The following SOX5 variants were observed in gnomAD, a reference collection of about 807,000 sequenced individuals.
The protein encoded by SOX5 is transcription factor SOX-5.
In SOX5, 9 loss-of-function variants were observed where a neutral mutation model predicts 92.0. The ratio of observed to expected loss-of-function variants is 0.10; its 90% CI spans 0.06 to 0.17. The LOEUF is 0.17. SOX5 is among the 10% of genes least tolerant of loss of function. The pLI, the probability that SOX5 is intolerant of heterozygous loss-of-function variation, is 1.00. For missense variants in SOX5, 642 were observed against 944.5 expected (o/e 0.68, Z 4.20); for synonymous variants, 344 against 336.3 (o/e 1.02, Z -0.25).
chr12:24,342,787 T>C (rs1952732651), intron 2 of SOX5, among the ~76,000 whole-genome samples: 1 of 152,248 alleles, frequency 6.6e-6, no homozygotes, highest in Non-Finnish European at 1.5e-5. Context: ...AATCTGATTA[T>C]ACCATTCATG....
At chr12:23,540,095 TAA>T (rs5797022) in intron 13 of SOX5, among the ~76,000 whole-genome samples, 45 of 139,530 alleles carry the variant, frequency 3.2e-4, no homozygotes, top group African/African-American at 6.7e-4. Flanking sequence ...TAAACAACAA[TAA>T]AAAAAAAAAA....
chr12:24,357,718 C>T (rs1473974932), intron 2 of SOX5, among the ~76,000 whole-genome samples: 1 of 151,952 alleles, frequency 6.6e-6, no homozygotes, highest in Non-Finnish European at 1.5e-5. Flanking sequence ...TGGCGTGGGC[C>T]TGTAATCCCA....
chr12:24,544,676 C>A (rs1188944034), intron 1 of SOX5, among the ~76,000 whole-genome samples: 1 of 152,154 alleles, frequency 6.6e-6, no homozygotes, highest in South Asian at 2.1e-4. Flanking sequence ...TTTAAAGCAT[C>A]CCAATTCTAT....
At position 23,846,081 on chromosome 12, in the gene SOX5, G is replaced by A; in HGVS notation, c.383C>T (p.Ala128Val). 1.2e-6 allele frequency: 2 copies of A among 1,614,072 alleles called. No homozygotes were observed. Among genetic ancestry groups the A allele is most frequent in the African/African-American group, 1.3e-5 (1 of 75,028 alleles). Residue 128 changes from alanine to valine, a missense_variant, in exon 3 of 15, where the codon GCC becomes GTC. Ala to Val is a moderately conservative substitution (Grantham distance 64, BLOSUM62 0). This residue lies in a region of SOX5 where 29 missense variants were observed against 47.4 expected (regional missense o/e 0.61). Coordinates refer to ENST00000451604, the MANE Select transcript of SOX5 (RefSeq NM_006940.6). Reference protein sequence around the residue: ...RQSGESLSSTALGTPERRKGS... With the variant: ...RQSGESLSSTVLGTPERRKGS... The stretch of plus-strand genomic sequence containing the variant: ...CTTGCGCCGTTCAGGAGTTCCCAGG[G>A]CTGTACTAGACAAGGACTCGCCACT...
chr12:23,584,752 T>C (rs549623365), intron 9 of SOX5: 1 of 580,042 alleles, frequency 1.7e-6, no homozygotes, highest in African/African-American at 1.9e-5. Context: ...TGTGTGTATG[T>C]GTGTGTGTTT....
chr12:24,092,306 C>T (rs998352524), intron 4 of SOX5, among the ~76,000 whole-genome samples: 5 of 130,218 alleles, frequency 3.8e-5, no homozygotes, highest in Non-Finnish European at 8.7e-5. Flanking sequence ...TACAATGCTG[C>T]GGAATTTTTT....
At chr12:23,797,803 G>A (rs140674735) in intron 3 of SOX5, among the ~76,000 whole-genome samples, 10 of 151,926 alleles carry the variant, frequency 6.6e-5, no homozygotes, top group Non-Finnish European at 1.2e-4. Context: ...GCTAGCCTTC[G>A]ATACTGTACA....
intron 1 of SOX5, among the ~76,000 whole-genome samples, chr12:24,459,185 G>A (rs973446118): frequency 6.6e-6 from 1 of 152,132 alleles, no homozygotes; most frequent in Admixed American, 6.6e-5. Context: ...GTCACGAAGT[G>A]CTGGTTTATC....
At chr12:23,756,840 G>T (rs944007075) in intron 3 of SOX5, among the ~76,000 whole-genome samples, 2 of 151,808 alleles carry the variant, frequency 1.3e-5, no homozygotes, top group Non-Finnish European at 2.9e-5. Context: ...CCTAGAGACC[G>T]TAATATTATT....
intron 3 of SOX5, among the ~76,000 whole-genome samples, chr12:23,827,835 G>T (rs2096256329): frequency 6.6e-6 from 1 of 152,060 alleles, no homozygotes; most frequent in Non-Finnish European, 1.5e-5. Flanking sequence ...CTTTCAATTT[G>T]GGAAGGAGCA....
chr12:23,667,863 G>A (rs1311005906), intron 6 of SOX5, among the ~76,000 whole-genome samples: 1 of 152,122 alleles, frequency 6.6e-6, no homozygotes, highest in African/African-American at 2.4e-5. Context: ...TCCAAAATGT[G>A]TGGTTAATCT....
Position 24,468,875 on chromosome 12 carries a change from C to G in SOX5, c.-251+93454G>C, listed in dbSNP as rs1424147771. The stretch of plus-strand genomic sequence containing the variant: ...CTATTTCCATCTTAACTTTTGTAAT[C>G]TAAACCAGCAGTATCCAACCTTTTT... On this transcript the variant is annotated intron_variant, in intron 1 of 4. Transcript: ENST00000446891. Among the ~76,000 whole-genome samples the G allele has an allele frequency of 2.0e-5, 3 of 152,130 alleles. No homozygotes were observed. In the East Asian group the frequency reaches 5.8e-4, roughly 29 times the overall value.
At chr12:24,540,550 A>C (rs1370005150) in intron 1 of SOX5, among the ~76,000 whole-genome samples, 2 of 152,164 alleles carry the variant, frequency 1.3e-5, no homozygotes, top group African/African-American at 2.4e-5. Flanking sequence ...CATTTTCATC[A>C]TTTCAGAGAG....
At chr12:23,950,442 TC>T (rs2139835263), upstream of SOX5, among the ~76,000 whole-genome samples, 1 of 152,322 alleles carries the variant, frequency 6.6e-6, no homozygotes, top group East Asian at 1.9e-4. Context: ...GGTGCGAACG[TC>T]CTGGCAACCC....
chr12:24,555,507 C>T (rs992266764), intron 1 of SOX5, among the ~76,000 whole-genome samples: 12 of 152,088 alleles, frequency 7.9e-5, no homozygotes, highest in Admixed American at 3.9e-4. Context: ...TAAAATTCAT[C>T]TATAGCTTTC....
intron 1 of SOX5, among the ~76,000 whole-genome samples, chr12:24,524,357 A>ATCTG (rs1950512705): frequency 1.3e-5 from 2 of 151,474 alleles, no homozygotes; most frequent in African/African-American, 2.4e-5. Flanking sequence ...CTATCTATCT[A>ATCTG]TCTATCTATC....
At chr12:24,217,127 G>A (rs1185276015) in intron 3 of SOX5, among the ~76,000 whole-genome samples, 3 of 152,180 alleles carry the variant, frequency 2.0e-5, no homozygotes, top group East Asian at 3.8e-4. Flanking sequence ...GTTAAGTATA[G>A]CACTTTTTGT....
intron 3 of SOX5, among the ~76,000 whole-genome samples, chr12:23,779,788 A>AAAAT (rs1275825978): frequency 1.8e-5 from 2 of 110,528 alleles, no homozygotes; most frequent in South Asian, 7.1e-4. Context: ...CACAGATTAA[A>AAAAT]ATATATATAT....
intron 3 of SOX5, among the ~76,000 whole-genome samples, chr12:23,802,975 A>G (rs2095691410): frequency 6.6e-6 from 1 of 152,136 alleles, no homozygotes; most frequent in Admixed American, 6.5e-5. Flanking sequence ...ACATTCCTAA[A>G]ACTACATTCA....
Sources: allele counts gnomAD v4.1 joint callset (sites outside exome capture counted in the v4.1 genomes callset), GRCh38; gene constraint gnomAD v4.1.1; regional missense constraint gnomAD v4.1.1; transcripts MANE v1.5; gene names NCBI Gene and HGNC (gene_info 2026-07-23, HGNC 2026-07-21).